The following PPFIA2 variants were observed in gnomAD, a reference collection of about 807,000 sequenced individuals.
The protein encoded by PPFIA2 is liprin-alpha-2.
PPFIA2 carries 46 observed loss-of-function variants against 175.5 expected under a neutral mutation model. That is an observed-to-expected ratio of 0.26 (90% CI 0.21 to 0.34). The LOEUF (loss-of-function observed/expected upper bound fraction) is 0.34, where lower values mean the gene tolerates loss of function less well. PPFIA2 is among the 10% of genes least tolerant of loss of function. The pLI is 1.00. For synonymous variants in PPFIA2, 568 were observed against 511.4 expected, an observed-to-expected ratio of 1.11 and a Z score of -1.49; for missense variants, 1,179 against 1,506.1, an observed-to-expected ratio of 0.78 and a Z score of 3.60.
intron 4 of PPFIA2, among the ~76,000 whole-genome samples, chr12:81,458,707 C>T (rs188880703): frequency 6.6e-6 from 1 of 152,226 alleles, no homozygotes; most frequent in East Asian, 1.9e-4. Flanking sequence ...AGTTTGTTAA[C>T]ACACAGAAAA....
chr12:81,700,838 T>C (rs1018567260), intron 3 of PPFIA2, among the ~76,000 whole-genome samples: 4 of 152,084 alleles, frequency 2.6e-5, no homozygotes, highest in Admixed American at 2.0e-4. Context: ...GGTTATAAAA[T>C]TGAGTGAAAA....
Position 81,490,189 on chromosome 12 carries a change from C to T in PPFIA2, c.304-32323G>A, listed in dbSNP as rs914026829. 1.1e-4 allele frequency among the ~76,000 whole-genome samples: 16 copies of T among 151,870 alleles called. No individual in the cohort carries two copies. The East Asian group carries it at 1.7e-3, about 16-fold the overall frequency. On this transcript the variant is annotated intron_variant, in intron 4 of 32. Transcript: ENST00000549396. The stretch of plus-strand genomic sequence containing the variant: ...TTGTGAATCCAAAGATAGGTTTACT[C>T]GTGGAGTTTTAGGAGTTATAAGGTC...
chr12:81,321,857 G>T (rs769083943), intron 22 of PPFIA2, among the ~76,000 whole-genome samples: 2 of 152,152 alleles, frequency 1.3e-5, no homozygotes, highest in African/African-American at 2.4e-5. Context: ...GCCCATGTAG[G>T]TTTTAAATCT....
chr12:81,446,626 T>C (rs933667193), intron 5 of PPFIA2, among the ~76,000 whole-genome samples: 2 of 152,168 alleles, frequency 1.3e-5, no homozygotes, highest in African/African-American at 2.4e-5. Context: ...TTCGGAAGCA[T>C]AGTGAAAAGC....
chr12:81,577,328 G>C (rs186984193), intron 4 of PPFIA2, among the ~76,000 whole-genome samples: 2 of 151,734 alleles, frequency 1.3e-5, no homozygotes, highest in Non-Finnish European at 1.5e-5. Flanking sequence ...CTTTGGATTG[G>C]TTCCCTCCTG....
intron 8 of PPFIA2, among the ~76,000 whole-genome samples, chr12:81,386,633 GATAATA>G (rs879431096): frequency 1.3e-5 from 2 of 151,204 alleles, no homozygotes; most frequent in African/African-American, 4.9e-5. Flanking sequence ...TAGTAATAAT[GATAATA>G]ATAATAATAA....
In PPFIA2 at chr12:81,547,998, C is replaced by A. The variant is rs574443552; in HGVS notation, c.304-90132G>T. Among the ~76,000 whole-genome samples, 7 of 152,276 alleles carry A rather than the reference C, an allele frequency of 4.6e-5. No homozygotes were observed. In the East Asian group the frequency reaches 1.2e-3, roughly 25 times the overall value. On this transcript the variant is annotated intron_variant, in intron 4 of 32. Transcript: ENST00000549396. Reference sequence around the variant, plus strand: ...AGTCACTAAACTAACATTCATTGAGCACATGCTAGGTACTATAGCAAGTGC... The same window carrying A: ...AGTCACTAAACTAACATTCATTGAGAACATGCTAGGTACTATAGCAAGTGC...
chr12:81,610,036 T>C (rs1450967756), intron 4 of PPFIA2, among the ~76,000 whole-genome samples: 1 of 152,150 alleles, frequency 6.6e-6, no homozygotes, highest in Admixed American at 6.6e-5. Context: ...TTATGAAGCT[T>C]AGTTTGGTGG....
chr12:81,284,250 T>C lies in PPFIA2; in HGVS notation c.2979A>G (p.Pro993=). ...AGCCATTAAGACTAACCGTTTTTGC[T>C]GGAGCTGCAAGATTTTCCATTTCTT... The part of the protein sequence containing the change: ...THEEMENLAA[P]AKTKESEEGS... Residue 993 remains proline, a synonymous_variant, in exon 25 of 33, where the codon CCA becomes CCG. Transcript: ENST00000549396. The C allele has an allele frequency of 6.3e-7, 1 of 1,591,238 alleles. No individual in the cohort carries two copies. The highest frequency in any genetic ancestry group is 8.6e-7 in the Non-Finnish European group (1 of 1,162,352).
chr12:81,692,995 C>A (rs1354457312), intron 3 of PPFIA2, among the ~76,000 whole-genome samples: 1 of 152,102 alleles, frequency 6.6e-6, no homozygotes, highest in Middle Eastern at 3.4e-3. Context: ...TTTTTAGTTG[C>A]TGAATATATC....
intron 8 of PPFIA2, among the ~76,000 whole-genome samples, chr12:81,386,325 A>AAT (rs2038955214): frequency 3.3e-5 from 5 of 149,300 alleles, no homozygotes; most frequent in African/African-American, 1.2e-4. Context: ...ATAAATAAGA[A>AAT]AAGAAAAGAA....
intron 8 of PPFIA2, among the ~76,000 whole-genome samples, chr12:81,395,101 A>T (rs1158245638): frequency 1.3e-5 from 2 of 152,064 alleles, no homozygotes; most frequent in Non-Finnish European, 2.9e-5. Flanking sequence ...AGAGTATAGC[A>T]AACTCTTAGA....
chr12:81,263,161 T>A (rs555741010), intron 31 of PPFIA2, 70 bp downstream of exon 31: 215 of 1,390,652 alleles, frequency 1.5e-4, no homozygotes, highest in Admixed American at 3.4e-4. Flanking sequence ...AAAAGCAAGG[T>A]CAGAGAATTA....
chr12:81,476,932 A>G (rs1051538443), intron 4 of PPFIA2, among the ~76,000 whole-genome samples: 8 of 152,190 alleles, frequency 5.3e-5, no homozygotes, highest in Admixed American at 4.6e-4. Flanking sequence ...GCTGGAAGCC[A>G]TTATCCACAG....
intron 4 of PPFIA2, among the ~76,000 whole-genome samples, chr12:81,602,163 C>T (rs143495072): frequency 1.8e-3 from 278 of 151,808 alleles, no homozygotes; most frequent in Non-Finnish European, 3.5e-3. Flanking sequence ...TAAAACTTGT[C>T]TCTTGAAATG....
chr12:81,732,946 G>C (rs970266543), intron 3 of PPFIA2, among the ~76,000 whole-genome samples: 1 of 151,400 alleles, frequency 6.6e-6, no homozygotes, highest in Non-Finnish European at 1.5e-5. Flanking sequence ...ATTCAAAGTA[G>C]AAAATCACCA....
At chr12:81,490,623 G>C (rs1251231181) in intron 4 of PPFIA2, among the ~76,000 whole-genome samples, 2 of 151,900 alleles carry the variant, frequency 1.3e-5, no homozygotes, top group Non-Finnish European at 2.9e-5. Flanking sequence ...AAGCAGCCTT[G>C]ACTGCAGGAG....
intron 4 of PPFIA2, among the ~76,000 whole-genome samples, chr12:81,560,691 C>T (rs1377032154): frequency 6.6e-6 from 1 of 151,964 alleles, no homozygotes; most frequent in Non-Finnish European, 1.5e-5. Context: ...CATCATGTAA[C>T]CCTAGATTTA....
chr12:81,282,921 C>T (rs2042402686), intron 26 of PPFIA2, 89 bp downstream of exon 26: 1 of 1,188,210 alleles, frequency 8.4e-7, no homozygotes, highest in African/African-American at 1.5e-5. Flanking sequence ...TGAAGGTTTA[C>T]AATATTATGA....
Sources: allele counts gnomAD v4.1 joint callset (sites outside exome capture counted in the v4.1 genomes callset), GRCh38; gene constraint gnomAD v4.1.1; transcripts MANE v1.5; gene names NCBI Gene and HGNC (gene_info 2026-07-23, HGNC 2026-07-21).